The following SRGAP1 variants were observed in gnomAD, a reference collection of about 807,000 sequenced individuals.
SRGAP1 encodes the protein SLIT-ROBO Rho GTPase activating protein 1.
In SRGAP1, 43 loss-of-function variants were observed where a neutral mutation model predicts 121.9. The observed-to-expected ratio is 0.35, with a 90% confidence interval of 0.28 to 0.46. The LOEUF (loss-of-function observed/expected upper bound fraction) is 0.46. Among genes scored for constraint, SRGAP1 ranks in the 20% least tolerant of loss-of-function variants. The pLI, the probability that SRGAP1 is intolerant of heterozygous loss-of-function variation, is 1.00. For synonymous variants in SRGAP1, 447 were observed against 485.4 expected, an observed-to-expected ratio of 0.92 and a Z score of 1.04; for missense variants, 1,102 against 1,350.9, an observed-to-expected ratio of 0.82 and a Z score of 2.89.
At chr12:63,877,660 G>A (rs367670760) in intron 1 of SRGAP1, among the ~76,000 whole-genome samples, 3 of 152,132 alleles carry the variant, frequency 2.0e-5, no homozygotes, top group Non-Finnish European at 2.9e-5. Context: ...TAAAATTTGG[G>A]TATAAAACTT....
At chr12:63,977,380 C>T (rs983611968) in intron 1 of SRGAP1, among the ~76,000 whole-genome samples, 2 of 152,164 alleles carry the variant, frequency 1.3e-5, no homozygotes, top group Admixed American at 6.5e-5. Flanking sequence ...ATTTGTGATA[C>T]TTTAGAAATG....
intron 21 of SRGAP1, among the ~76,000 whole-genome samples, chr12:64,134,925 T>A (rs1429266482): frequency 6.6e-6 from 1 of 152,168 alleles, no homozygotes; most frequent in Non-Finnish European, 1.5e-5. Flanking sequence ...TGCCGGGATA[T>A]TAGTCTAGTT....
intron 4 of SRGAP1, among the ~76,000 whole-genome samples, chr12:64,035,553 T>A (rs1462961353): frequency 6.6e-6 from 1 of 152,172 alleles, no homozygotes; most frequent in Non-Finnish European, 1.5e-5. Context: ...TCTACCTGAT[T>A]CTAGAGTAAC....
intron 1 of SRGAP1, among the ~76,000 whole-genome samples, chr12:63,946,779 G>A (rs887093419): frequency 7.2e-5 from 11 of 151,980 alleles, no homozygotes; most frequent in African/African-American, 2.7e-4. Context: ...TCCTGAACTC[G>A]TGATCCACCT....
At chr12:64,103,308 C>A (rs1344660365) in intron 15 of SRGAP1, among the ~76,000 whole-genome samples, 1 of 152,220 alleles carries the variant, frequency 6.6e-6, no homozygotes, top group East Asian at 1.9e-4. Context: ...TATGCCACGC[C>A]ATACTGGCTC....
rs917353938 is a variant in SRGAP1, at chr12:63,925,565, T to C, written c.68-58382T>C. 2.0e-5 allele frequency among the ~76,000 whole-genome samples: 3 copies of C among 152,326 alleles called. No homozygotes were observed. The East Asian group carries it at 5.8e-4, about 29-fold the overall frequency. On this transcript the variant is annotated intron_variant, in intron 1 of 21. Coordinates refer to ENST00000355086, the MANE Select transcript of SRGAP1 (RefSeq NM_020762.4). ...AGCGAAGAAAAATTGAGGGAAGTGT[T>C]AACATTTATTGAGAATTTGCATATG...
intron 1 of SRGAP1, among the ~76,000 whole-genome samples, chr12:63,976,722 TGTGAG>T (rs1480884207): frequency 6.6e-6 from 1 of 152,174 alleles, no homozygotes; most frequent in African/African-American, 2.4e-5. Flanking sequence ...AGCACAGCCT[TGTGAG>T]GTGGGAAGTA....
intron 11 of SRGAP1, 26 bp downstream of exon 11, chr12:64,087,052 A>G (rs1490917323): frequency 3.9e-6 from 6 of 1,549,924 alleles, no homozygotes; most frequent in East Asian, 4.5e-5. Context: ...ATCATAACTT[A>G]TAGCGTATTT....
chr12:63,862,724 A>G (rs1437521234), intron 1 of SRGAP1, among the ~76,000 whole-genome samples: 1 of 152,208 alleles, frequency 6.6e-6, no homozygotes, highest in South Asian at 2.1e-4. Context: ...TGTTTTACAT[A>G]TGTAATGGCG....
intron 3 of SRGAP1, among the ~76,000 whole-genome samples, chr12:64,012,640 A>C (rs1369094076): frequency 2.2e-5 from 3 of 139,190 alleles, no homozygotes; most frequent in African/African-American, 8.5e-5. Flanking sequence ...GCAGCCTCGA[A>C]CTCTTAGGTT....
chr12:63,892,475 C>G (rs914416833), intron 1 of SRGAP1, among the ~76,000 whole-genome samples: 1 of 152,142 alleles, frequency 6.6e-6, no homozygotes, highest in African/African-American at 2.4e-5. Flanking sequence ...TTCTCTTTAT[C>G]TTTTAGAGTT....
chr12:63,853,732 A>G (rs1388409186), intron 1 of SRGAP1, among the ~76,000 whole-genome samples: 3 of 152,198 alleles, frequency 2.0e-5, no homozygotes, highest in Admixed American at 1.3e-4. Flanking sequence ...CCTATTTAGT[A>G]TAGTTAGTAC....
intron 3 of SRGAP1, among the ~76,000 whole-genome samples, chr12:64,012,098 G>C (rs746038126): frequency 1.3e-5 from 2 of 152,126 alleles, no homozygotes; most frequent in African/African-American, 2.4e-5. Context: ...CTGGGGGACT[G>C]TCCTTCTATT....
intron 12 of SRGAP1, among the ~76,000 whole-genome samples, chr12:64,092,295 A>C (rs904619531): frequency 6.6e-6 from 1 of 152,164 alleles, no homozygotes; most frequent in Non-Finnish European, 1.5e-5. Flanking sequence ...TTCACATTTT[A>C]TGGCATGGGC....
intron 4 of SRGAP1, among the ~76,000 whole-genome samples, chr12:64,024,469 A>G (rs2034612081): frequency 6.6e-6 from 1 of 152,142 alleles, no homozygotes; most frequent in Non-Finnish European, 1.5e-5. Context: ...AAAGAAAAAC[A>G]ATTAGGATAT....
chr12:63,877,209 A>G (rs535523619), intron 1 of SRGAP1, among the ~76,000 whole-genome samples: 20 of 152,310 alleles, frequency 1.3e-4, no homozygotes, highest in African/African-American at 4.8e-4. Flanking sequence ...GGGCAACAAG[A>G]GTGAAACTCC....
chr12:63,867,575 T>C (rs1309111751), intron 1 of SRGAP1, among the ~76,000 whole-genome samples: 1 of 152,154 alleles, frequency 6.6e-6, no homozygotes, highest in African/African-American at 2.4e-5. Context: ...AAAATTGATA[T>C]GATGAATCAA....
rs1360936604 is a variant in SRGAP1 at position 64,145,143 on chromosome 12, C to T, written c.*2471C>T. The stretch of plus-strand genomic sequence containing the variant: ...ACCATGCCCGGCCATTCCACCACTT[C>T]TTTAAAATAGTAAGAATTCTTAAAA... On this transcript the variant is annotated 3_prime_UTR_variant, in exon 22 of 22. Transcript: ENST00000355086. The T allele has an allele frequency of 1.3e-5, 2 of 152,096 alleles. No homozygotes were observed. The highest frequency in any genetic ancestry group is 4.8e-5 in the African/African-American group (2 of 41,396). 9.4% of individuals were successfully genotyped at this position (152,096 alleles called of 1,614,324 possible).
rs773644678 is a variant in SRGAP1 at position 64,088,924 on chromosome 12, G to C, written c.1436+1898G>C. On this transcript the variant is annotated intron_variant, in intron 11 of 21. Transcript: ENST00000355086. ...CAGTGACCAAACAAAATTCTAATCT[G>C]CTTAGCTTTGTCAGCTTCTCCAGAT... Among the ~76,000 whole-genome samples, 4 of 152,182 alleles carry C rather than the reference G, an allele frequency of 2.6e-5. No individual in the cohort carries two copies. In the South Asian group the frequency reaches 8.3e-4, roughly 32 times the overall value.
Sources: allele counts gnomAD v4.1 joint callset (sites outside exome capture counted in the v4.1 genomes callset), GRCh38; gene constraint gnomAD v4.1.1; transcripts MANE v1.5; gene names NCBI Gene and HGNC (gene_info 2026-07-23, HGNC 2026-07-21).